Variants in DIS3L2 observed in about 807,000 individuals in gnomAD.
DIS3L2 encodes DIS3 like 3'-5' exoribonuclease 2.
In DIS3L2, 34 loss-of-function variants were observed where a neutral mutation model predicts 97.5. The ratio of observed to expected loss-of-function variants is 0.35; its 90% CI spans 0.27 to 0.46. The LOEUF is 0.46. Among genes scored for constraint, DIS3L2 ranks in the 20% least tolerant of loss-of-function variants. The pLI is 1.00. For synonymous variants in DIS3L2, 435 were observed against 445.2 expected, an observed-to-expected ratio of 0.98 and a Z score of 0.29; for missense variants, 1,038 against 1,146.0, an observed-to-expected ratio of 0.91 and a Z score of 1.36.
intron 1 of DIS3L2, among the ~76,000 whole-genome samples, chr2:232,010,654 T>A (rs1416585715): frequency 6.6e-6 from 1 of 152,190 alleles, no homozygotes; most frequent in Non-Finnish European, 1.5e-5. Context: ...CTATTCGGCT[T>A]CATACATTCC....
At chr2:232,155,989 A>T (rs897019469) in intron 8 of DIS3L2, among the ~76,000 whole-genome samples, 1 of 140,332 alleles carries the variant, frequency 7.1e-6, no homozygotes, top group Non-Finnish European at 1.6e-5. Context: ...GACTCCATCT[A>T]AAAAAAAAAA....
At chr2:232,326,775 A>G (rs554071317) in intron 14 of DIS3L2, among the ~76,000 whole-genome samples, 1 of 149,290 alleles carries the variant, frequency 6.7e-6, no homozygotes, top group East Asian at 1.9e-4. Context: ...TGAGACGGCA[A>G]GGGAAGCAGA....
At chr2:232,312,240 A>G (rs1695154927) in intron 14 of DIS3L2, among the ~76,000 whole-genome samples, 1 of 152,182 alleles carries the variant, frequency 6.6e-6, no homozygotes, top group African/African-American at 2.4e-5. Context: ...TGCTTTTTGT[A>G]TACCATTTAA....
chr2:232,167,714 T>C (rs191363862), intron 9 of DIS3L2, among the ~76,000 whole-genome samples: 140 of 152,326 alleles, frequency 9.2e-4, no homozygotes, highest in African/African-American at 3.2e-3. Context: ...AAAATAGATT[T>C]ATAATCTCCA....
Position 232,330,626 on chromosome 2 carries a change from A to C in DIS3L2, c.1924-64A>C, listed in dbSNP as rs1258836904. The C allele has an allele frequency of 2.0e-6, 3 of 1,533,990 alleles. No homozygotes were observed. In the African/African-American group the frequency reaches 4.1e-5, roughly 21 times the overall value. On this transcript the variant is annotated intron_variant, in intron 15 of 20. Transcript: ENST00000325385. ...GGGCATGAGGTGCTCAGCGGATGAC[A>C]GGGCCCAGAGTCTCTGCCCGAGCTG...
At chr2:232,329,785 T>TGCCCGGGGGGGGGGGCCCC in intron 14 of DIS3L2, 28 bp from the exon 15 acceptor site, 9 of 967,138 alleles carry the variant, frequency 9.3e-6, no homozygotes, top group Non-Finnish European at 1.0e-5. Flanking sequence ...ACCCCAGCGG[T>TGCCCGGGGGGGGGGGCCCC]CCCTCCCATC....
At chr2:232,184,987 C>T (rs770773334) in intron 9 of DIS3L2, among the ~76,000 whole-genome samples, 26 of 152,078 alleles carry the variant, frequency 1.7e-4, no homozygotes, top group Non-Finnish European at 3.1e-4. Flanking sequence ...TTAGCCTTGC[C>T]CTTCTCTGTT....
chr2:232,014,935 A>G lies in DIS3L2; in HGVS notation c.8A>G (p.His3Arg), dbSNP rs370302381. 1.2e-6 allele frequency: 2 copies of G among 1,614,052 alleles called. No homozygotes were observed. The highest frequency in any genetic ancestry group is 1.7e-6 in the Non-Finnish European group (2 of 1,179,948). MS[H>R]PDYRMNLRPL... The stretch of plus-strand genomic sequence containing the variant: ...GTGACCTTGGAGCCAATAATGAGCC[A>G]TCCTGACTACAGAATGAACCTCCGG... The change falls in exon 2 of 21, where the codon CAT becomes CGT. Residue 3 changes from histidine (H) to arginine (R), a missense_variant. Physicochemically the swap from His to Arg is conservative, Grantham distance 29 (BLOSUM62 0). Coordinates refer to ENST00000325385, the MANE Select transcript of DIS3L2 (RefSeq NM_152383.5).
intron 14 of DIS3L2, among the ~76,000 whole-genome samples, chr2:232,311,679 G>T (rs1429597587): frequency 1.3e-5 from 2 of 152,186 alleles, no homozygotes; most frequent in Non-Finnish European, 1.5e-5. Flanking sequence ...TAGATTGGTT[G>T]TGCCTGGCTT....
intron 10 of DIS3L2, among the ~76,000 whole-genome samples, chr2:232,236,861 C>T (rs1692946705): frequency 1.3e-5 from 2 of 152,184 alleles, no homozygotes; most frequent in East Asian, 1.9e-4. Context: ...AAGCAGTTCT[C>T]CTGCCTCAGC....
intron 5 of DIS3L2, among the ~76,000 whole-genome samples, chr2:232,084,076 G>C: frequency 6.6e-6 from 1 of 152,154 alleles, no homozygotes. Context: ...GAATTTGCCA[G>C]GCATATTTAA....
intron 8 of DIS3L2, among the ~76,000 whole-genome samples, chr2:232,144,190 A>C (rs1156654789): frequency 1.3e-5 from 2 of 152,122 alleles, no homozygotes; most frequent in Non-Finnish European, 2.9e-5. Flanking sequence ...AAATTACTGA[A>C]TCATACATAG....
intron 6 of DIS3L2, chr2:232,111,225 C>G: frequency 2.1e-6 from 1 of 471,206 alleles, no homozygotes; most frequent in South Asian, 1.5e-5. Flanking sequence ...AGAGAAGTTC[C>G]TGGGCTTATC....
At chr2:232,121,974 C>G (rs554778680) in intron 6 of DIS3L2, among the ~76,000 whole-genome samples, 1 of 152,220 alleles carries the variant, frequency 6.6e-6, no homozygotes, top group Non-Finnish European at 1.5e-5. Context: ...TAACTGGCCT[C>G]CTGCCTCCAG....
At chr2:232,333,266 T>TCCTCCTCCTCCTCTGCCTCCA (rs1559218726) in intron 16 of DIS3L2, among the ~76,000 whole-genome samples, 2 of 126,920 alleles carry the variant, frequency 1.6e-5, no homozygotes, top group African/African-American at 5.9e-5. Flanking sequence ...CGCTGTCGCC[T>TCCTCCTCCTCCTCTGCCTCCA]CCTCCTCCTC....
Position 232,208,249 on chromosome 2 carries a change from C to T in DIS3L2, c.1125-2077C>T, listed in dbSNP as rs563112624. Among the ~76,000 whole-genome samples, 40 of 152,196 alleles carry T rather than the reference C, an allele frequency of 2.6e-4. No homozygotes were observed. In the South Asian group the frequency reaches 7.7e-3, roughly 29 times the overall value. ...TCTCTGTCTTATCTCTGTTTTCATT[C>T]CGTTCCGTTCCTCTCCTCTTCTTCT... is the stretch of plus-strand genomic sequence containing the variant. On this transcript the variant is annotated intron_variant, in intron 9 of 20. Coordinates refer to ENST00000325385, the MANE Select transcript of DIS3L2 (RefSeq NM_152383.5).
At chr2:232,030,199 T>C in intron 5 of DIS3L2, 119 bp downstream of exon 5, 1 of 788,590 alleles carries the variant, frequency 1.3e-6, no homozygotes, top group East Asian at 2.8e-5. Context: ...TGTGATAAGA[T>C]GGGGTGTAAT....
At chr2:232,076,951 GCCAACACAAGGCCTGTGTTCC>G in intron 5 of DIS3L2, among the ~76,000 whole-genome samples, 2 of 152,196 alleles carry the variant, frequency 1.3e-5, no homozygotes, top group Middle Eastern at 6.8e-3. Flanking sequence ...CCATTCCTCT[GCCAACACAAGGCCTGTGTTCC>G]CCTTAAAATG....
intron 14 of DIS3L2, among the ~76,000 whole-genome samples, chr2:232,305,497 CTTTT>C (rs1462391868): frequency 6.6e-6 from 1 of 152,134 alleles, no homozygotes; most frequent in Admixed American, 6.6e-5. Flanking sequence ...TCTATTCTTT[CTTTT>C]ATCTCCCTAA....
Sources: gnomAD v4.1 joint callset for allele counts (sites outside exome capture counted in the v4.1 genomes callset) on GRCh38, gnomAD v4.1.1 for gene constraint, MANE v1.5 for transcripts, NCBI Gene and HGNC (gene_info 2026-07-23, HGNC 2026-07-21) for gene names.